Variants in ATG10 observed in about 807,000 individuals in gnomAD.
The protein encoded by ATG10 is autophagy related 10.
Under a neutral mutation model 32.1 loss-of-function variants are expected in ATG10, and 30 were observed. The observed-to-expected ratio is 0.94, with a 90% CI of 0.70 to 1.27. The LOEUF is 1.27. Ranked by LOEUF, ATG10 falls within the 50% of genes most tolerant of loss-of-function variation. The probability of loss-of-function intolerance (pLI) is 0.00; values close to 1 mark genes in which losing one functional copy is unlikely to be tolerated. For missense variants in ATG10, 233 were observed against 262.3 expected, an observed-to-expected ratio of 0.89 and a Z score of 0.77; for synonymous variants, 87 against 91.5, an observed-to-expected ratio of 0.95 and a Z score of 0.28.
chr5:82,170,870 C>T (rs1182328795), intron 4 of ATG10, among the ~76,000 whole-genome samples: 2 of 152,076 alleles, frequency 1.3e-5, no homozygotes, highest in African/African-American at 4.8e-5. Flanking sequence ...TCGCTTGAAC[C>T]CTGGAGGCGG....
chr5:82,103,305 T>C (rs1415269429), intron 3 of ATG10, among the ~76,000 whole-genome samples: 2 of 152,194 alleles, frequency 1.3e-5, no homozygotes, highest in Non-Finnish European at 2.9e-5. Context: ...CTGATACACA[T>C]TGATCAAAAA....
chr5:82,199,199 AAC>A (rs1388978688), intron 5 of ATG10, among the ~76,000 whole-genome samples: 2 of 152,242 alleles, frequency 1.3e-5, no homozygotes, highest in African/African-American at 2.4e-5. Context: ...TAATTGAGTA[AAC>A]ATTTTCCTGG....
chr5:82,229,706 G>T (rs956026889), intron 5 of ATG10, among the ~76,000 whole-genome samples: 2 of 152,146 alleles, frequency 1.3e-5, no homozygotes, highest in Admixed American at 6.5e-5. Flanking sequence ...TGAATGGCCC[G>T]TGAAGACCAA....
chr5:82,170,484 G>A (rs1467842147), intron 4 of ATG10, among the ~76,000 whole-genome samples: 1 of 152,164 alleles, frequency 6.6e-6, no homozygotes, highest in African/African-American at 2.4e-5. Context: ...AAGGAGACCA[G>A]GTTGGATGGT....
At chr5:82,175,302 C>T (rs1215976901) in intron 4 of ATG10, among the ~76,000 whole-genome samples, 1 of 152,138 alleles carries the variant, frequency 6.6e-6, no homozygotes, top group Non-Finnish European at 1.5e-5. Flanking sequence ...CTTGTCTCTG[C>T]CCTTCCCTAT....
At chr5:82,073,811 C>A (rs1416762511) in intron 3 of ATG10, 1 of 152,198 alleles carries the variant, frequency 6.6e-6, no homozygotes, top group East Asian at 1.9e-4. Context: ...CGCAGGGTGG[C>A]TATGAGGATC....
At chr5:82,067,450 A>G (rs1299392960) in intron 3 of ATG10, among the ~76,000 whole-genome samples, 2 of 152,198 alleles carry the variant, frequency 1.3e-5, no homozygotes, top group African/African-American at 2.4e-5. Context: ...TGAACCATCT[A>G]ATGAAATTTG....
chr5:82,229,164 A>G (rs931047799), intron 5 of ATG10, among the ~76,000 whole-genome samples: 8 of 152,124 alleles, frequency 5.3e-5, no homozygotes, highest in Non-Finnish European at 1.0e-4. Flanking sequence ...TTCTGAGTGG[A>G]CCCCTCTCCT....
intron 2 of ATG10, among the ~76,000 whole-genome samples, chr5:82,038,432 C>T (rs1222038380): frequency 6.6e-6 from 1 of 152,210 alleles, no homozygotes; most frequent in African/African-American, 2.4e-5. Flanking sequence ...TGGAATTCCA[C>T]AGCCAGAATG....
chr5:82,239,558 G>A (rs2150016804), intron 5 of ATG10, among the ~76,000 whole-genome samples: 1 of 152,298 alleles, frequency 6.6e-6, no homozygotes, highest in East Asian at 1.9e-4. Flanking sequence ...GATTAGTGGT[G>A]AAGGAGGGAG....
intron 5 of ATG10, among the ~76,000 whole-genome samples, chr5:82,186,211 T>C (rs1744438286): frequency 6.6e-6 from 1 of 152,244 alleles, no homozygotes; most frequent in Admixed American, 6.5e-5. Flanking sequence ...TATCATGTGA[T>C]TGTTTTCTCT....
chr5:82,083,843 C>G lies in ATG10; in HGVS notation c.216+25241C>G, dbSNP rs572418680. On this transcript the variant is annotated intron_variant, in intron 3 of 7. Coordinates refer to ENST00000282185, the MANE Select transcript of ATG10 (RefSeq NM_031482.5). ...TCTGTATGTCACCATCATCAAAGAC[C>G]AAAGGTAGATAAAACCACAAAGATG... 1.5e-4 allele frequency among the ~76,000 whole-genome samples: 23 copies of G among 152,274 alleles called. No homozygotes were observed. In the East Asian group the frequency reaches 4.4e-3, roughly 29 times the overall value.
At chr5:82,178,280 T>A (rs531850771) in intron 4 of ATG10, among the ~76,000 whole-genome samples, 1 of 152,294 alleles carries the variant, frequency 6.6e-6, no homozygotes, top group Admixed American at 6.5e-5. Flanking sequence ...ATTTAAATGC[T>A]AGATGGATAC....
chr5:82,191,939 A>G (rs1055198647), intron 5 of ATG10, among the ~76,000 whole-genome samples: 1 of 152,184 alleles, frequency 6.6e-6, no homozygotes, highest in Non-Finnish European at 1.5e-5. Context: ...TGTACAGCAG[A>G]CACTGGAAAG....
chr5:82,226,323 A>C (rs1256717364), intron 5 of ATG10, among the ~76,000 whole-genome samples: 1 of 151,988 alleles, frequency 6.6e-6, no homozygotes, highest in African/African-American at 2.4e-5. Flanking sequence ...CAACACATAC[A>C]TTTCCACACT....
At chr5:82,102,487 G>T (rs570628680) in intron 3 of ATG10, among the ~76,000 whole-genome samples, 1 of 152,084 alleles carries the variant, frequency 6.6e-6, no homozygotes, top group Non-Finnish European at 1.5e-5. Context: ...GTTATTGAAT[G>T]TCTACTCCAA....
intron 5 of ATG10, among the ~76,000 whole-genome samples, chr5:82,184,970 AATG>A (rs1172039940): frequency 1.3e-5 from 2 of 152,174 alleles, no homozygotes; most frequent in African/African-American, 4.8e-5. Context: ...GCCTAAATAT[AATG>A]ATGATGATGG....
chr5:82,144,580 GA>G (rs1274921563), intron 3 of ATG10, among the ~76,000 whole-genome samples: 13 of 151,388 alleles, frequency 8.6e-5, no homozygotes, highest in African/African-American at 2.2e-4. Flanking sequence ...GGGTTATTTA[GA>G]AGTATATTGT....
chr5:82,012,858 A>G (rs1434229081), intron 2 of ATG10, among the ~76,000 whole-genome samples: 2 of 151,998 alleles, frequency 1.3e-5, no homozygotes, highest in African/African-American at 2.4e-5. Context: ...GGGTTTCACC[A>G]TGATGGCCAA....
Sources: gnomAD v4.1 joint callset for allele counts (sites outside exome capture counted in the v4.1 genomes callset) on GRCh38, gnomAD v4.1.1 for gene constraint, MANE v1.5 for transcripts, NCBI Gene and HGNC (gene_info 2026-07-23, HGNC 2026-07-21) for gene names.